The following UGT1A9 variants were observed in gnomAD, a reference collection of about 807,000 sequenced individuals.
UGT1A9 encodes the protein UDP glucuronosyltransferase family 1 member A9, also known as UDP-glucuronosyltransferase 1A9.
Under a neutral mutation model 45.0 loss-of-function variants are expected in UGT1A9, and 35 were observed. The observed-to-expected ratio is 0.78, with a 90% confidence interval of 0.59 to 1.03. UGT1A9 has a LOEUF of 1.03. UGT1A9 is among the 50% of genes least tolerant of loss of function. The pLI is 0.00. For missense variants in UGT1A9, 687 were observed against 666.6 expected (o/e 1.03, Z -0.34); for synonymous variants, 278 against 250.6 (o/e 1.11, Z -1.03).
intron 1 of UGT1A9, among the ~76,000 whole-genome samples, chr2:233,765,473 G>A (rs1334073223): frequency 6.6e-6 from 1 of 152,142 alleles, no homozygotes; most frequent in Admixed American, 6.5e-5. Flanking sequence ...GGATGAAGCT[G>A]GAAGCCATCA....
Position 233,672,238 on chromosome 2 carries a change from G to T in UGT1A9, c.304G>T (p.Val102Leu). 1 of 1,613,980 alleles carries T rather than the reference G, an allele frequency of 6.2e-7. No individual in the cohort carries two copies. Among genetic ancestry groups the T allele is most frequent in the Non-Finnish European group, 8.5e-7 (1 of 1,179,830 alleles). ...AFAHAQWKAQ[V>L]RSIYSLLMGS... is the part of the protein sequence containing the mutation. ...TGCCCATGCTCAATGGAAAGCACAA[G>T]TACGAAGTATATATTCTCTATTAAT... Residue 102 changes from valine (V) to leucine (L), a missense_variant, in exon 1 of 5, where the codon GTA (valine) becomes TTA (leucine). Val to Leu is a conservative substitution (Grantham distance 32). Transcript: ENST00000354728.
intron 1 of UGT1A9, among the ~76,000 whole-genome samples, chr2:233,687,041 C>T (rs377057958): frequency 2.0e-4 from 30 of 152,200 alleles, no homozygotes; most frequent in Admixed American, 5.2e-4. Context: ...AGTGTTTGAG[C>T]ACGCGGACCC....
intron 1 of UGT1A9, among the ~76,000 whole-genome samples, chr2:233,754,050 C>A (rs1695383266): frequency 6.6e-6 from 1 of 152,230 alleles, no homozygotes; most frequent in Non-Finnish European, 1.5e-5. Flanking sequence ...GCCAGGTTTA[C>A]CTGCTTTTAT....
chr2:233,716,641 A>C (rs1322412642), intron 1 of UGT1A9, among the ~76,000 whole-genome samples: 1 of 152,130 alleles, frequency 6.6e-6, no homozygotes, highest in Non-Finnish European at 1.5e-5. Context: ...TATCGTTTGT[A>C]CTTTTTGTAC....
intron 1 of UGT1A9, among the ~76,000 whole-genome samples, chr2:233,725,055 CGCGCGCCT>C (rs1021966862): frequency 1.4e-5 from 2 of 147,410 alleles, no homozygotes; most frequent in African/African-American, 5.1e-5. Flanking sequence ...GGCGTGGCGG[CGCGCGCCT>C]GCAATCGCAG....
chr2:233,673,505 C>G (rs915614817), intron 1 of UGT1A9, among the ~76,000 whole-genome samples: 1 of 152,056 alleles, frequency 6.6e-6, no homozygotes, highest in African/African-American at 2.4e-5. Context: ...TTGACTAGAG[C>G]CCTACATGTA....
chr2:233,724,510 A>G (rs868470469), intron 1 of UGT1A9, among the ~76,000 whole-genome samples: 2,447 of 111,674 alleles, frequency 0.022, 174 homozygotes, highest in African/African-American at 0.087. Context: ...GACGCTCCTC[A>G]CCTCCCAGAT....
intron 1 of UGT1A9, among the ~76,000 whole-genome samples, chr2:233,677,450 C>G (rs2074390923): frequency 6.6e-6 from 1 of 152,116 alleles, no homozygotes; most frequent in Non-Finnish European, 1.5e-5. Flanking sequence ...TACCAAAAGC[C>G]TTGCCAATAC....
intron 1 of UGT1A9, chr2:233,743,522 T>C: frequency 7.3e-7 from 1 of 1,367,282 alleles, no homozygotes; most frequent in Non-Finnish European, 9.8e-7. Flanking sequence ...CTGCTTCTGC[T>C]TCCCCAGCAG....
intron 1 of UGT1A9, chr2:233,718,072 AG>A (rs1223912605): frequency 5.8e-6 from 2 of 346,088 alleles, no homozygotes; most frequent in East Asian, 1.5e-4. Context: ...GGTCCTTGCT[AG>A]GGTTGTCTTG....
intron 1 of UGT1A9, among the ~76,000 whole-genome samples, chr2:233,687,069 G>A (rs1405806889): frequency 6.6e-6 from 1 of 152,170 alleles, no homozygotes; most frequent in Admixed American, 6.6e-5. Context: ...CTCCAAGCCT[G>A]ATTTCATAAG....
chr2:233,690,078 A>G (rs773833099), intron 1 of UGT1A9, among the ~76,000 whole-genome samples: 14 of 152,174 alleles, frequency 9.2e-5, no homozygotes, highest in Non-Finnish European at 1.8e-4. Flanking sequence ...CAGCCTATCA[A>G]ATAGATTAAA....
At chr2:233,760,765 G>A (rs764212365) in intron 1 of UGT1A9, 4 of 1,614,012 alleles carry the variant, frequency 2.5e-6, no homozygotes, top group Non-Finnish European at 3.4e-6. Flanking sequence ...CAGCCCCATC[G>A]TGGCCCAGTA....
intron 1 of UGT1A9, among the ~76,000 whole-genome samples, chr2:233,718,467 C>A (rs918689439): frequency 1.3e-5 from 2 of 152,224 alleles, no homozygotes; most frequent in African/African-American, 4.8e-5. Flanking sequence ...ACCTCAGCTG[C>A]AGCCTGATAA....
At chr2:233,741,761 G>T (rs1691766534) in intron 1 of UGT1A9, 3 of 151,840 alleles carry the variant, frequency 2.0e-5, no homozygotes, top group Admixed American at 6.5e-5. Flanking sequence ...TTAATGATGT[G>T]TTCAGGCCAT....
rs572113839 is a variant in UGT1A9, at chr2:233,733,665, C to T, written c.856-33369C>T. Among the ~76,000 whole-genome samples the T allele has an allele frequency of 5.3e-5, 8 of 152,280 alleles. No individual in the cohort carries two copies. The East Asian group carries it at 7.7e-4, about 15-fold the overall frequency. ...ATCCCAAGGATGAAGCCGACTTGAT[C>T]GATGTGGATAAACTTTTTGATGTGC... On this transcript the variant is annotated intron_variant, in intron 1 of 4. Transcript: ENST00000354728.
intron 1 of UGT1A9, chr2:233,747,764 C>G: frequency 6.2e-7 from 1 of 1,613,426 alleles, no homozygotes; most frequent in Non-Finnish European, 8.5e-7. Context: ...ACTTTAAGGG[C>G]ACACAGTGTC....
Position 233,760,871 on chromosome 2 carries a change from G to A in UGT1A9, c.856-6163G>A, listed in dbSNP as rs767764203. 84 of 1,614,010 alleles carry A rather than the reference G, an allele frequency of 5.2e-5. No individual in the cohort carries two copies. Among genetic ancestry groups the A allele is most frequent in the Non-Finnish European group, 5.2e-5 (61 of 1,180,040 alleles). On this transcript the variant is annotated intron_variant, in intron 1 of 4. Transcript: ENST00000354728. ...CCCAACCCATTCTCCTACGTGCCCAGGCCTCTCTCCTCTCATTCAGATCAC... is the reference window on the plus strand; with the variant it reads ...CCCAACCCATTCTCCTACGTGCCCAAGCCTCTCTCCTCTCATTCAGATCAC...
At chr2:233,689,483 A>G (rs936155198) in intron 1 of UGT1A9, among the ~76,000 whole-genome samples, 5 of 152,240 alleles carry the variant, frequency 3.3e-5, no homozygotes, top group Admixed American at 1.3e-4. Flanking sequence ...ACAAGAAGAA[A>G]TCGCAAATCA....
Sources: gnomAD v4.1 joint callset for allele counts (sites outside exome capture counted in the v4.1 genomes callset) on GRCh38, gnomAD v4.1.1 for gene constraint, MANE v1.5 for transcripts, NCBI Gene and HGNC (gene_info 2026-07-23, HGNC 2026-07-21) for gene names.